Variants in DGKB observed in about 807,000 individuals in gnomAD.
DGKB encodes diacylglycerol kinase beta.
Under a neutral mutation model 114.3 loss-of-function variants are expected in DGKB, and 67 were observed. That is an observed-to-expected ratio of 0.59 (90% CI 0.48 to 0.72). The LOEUF is 0.72. Ranked by LOEUF, DGKB falls within the 30% of genes least tolerant of loss-of-function variation. The pLI is 0.00. For synonymous variants in DGKB, 398 were observed against 323.1 expected (o/e 1.23, Z -2.49); for missense variants, 907 against 975.2 (o/e 0.93, Z 0.93).
intron 21 of DGKB, among the ~76,000 whole-genome samples, chr7:14,379,965 C>G (rs1448403149): frequency 6.6e-6 from 1 of 151,860 alleles, no homozygotes; most frequent in East Asian, 2.0e-4. Context: ...AATAATTCCT[C>G]TTCTAAATTC....
rs1454878694 is a variant in DGKB at position 14,202,620 on chromosome 7, T to TAACA, written c.2123-24473_2123-24470dup. 2.6e-5 allele frequency among the ~76,000 whole-genome samples: 4 copies of TAACA among 152,140 alleles called. No individual in the cohort carries two copies. The South Asian group carries it at 8.3e-4, about 32-fold the overall frequency. ...TATAAATAAATTAGAACCAAATCTG[T>TAACA]AACAATATAAAAAAATATTATATAG... On this transcript the variant is annotated intron_variant, in intron 23 of 25. Transcript: ENST00000402815.
intron 2 of DGKB, among the ~76,000 whole-genome samples, chr7:14,788,646 C>G (rs1840225951): frequency 6.6e-6 from 1 of 152,126 alleles, no homozygotes. Context: ...ACTAGCCCAT[C>G]CCAAGCCTGA....
At chr7:14,967,930 T>C (rs972628979) in intron 1 of DGKB, among the ~76,000 whole-genome samples, 4 of 152,106 alleles carry the variant, frequency 2.6e-5, no homozygotes, top group African/African-American at 9.7e-5. Flanking sequence ...TGCAAAGCAA[T>C]AACCTACTCT....
intron 2 of DGKB, among the ~76,000 whole-genome samples, chr7:14,791,057 C>T (rs552888324): frequency 1.6e-4 from 25 of 152,154 alleles, no homozygotes; most frequent in African/African-American, 5.8e-4. Flanking sequence ...TCTTGAACTC[C>T]TATGCTAAAG....
intron 1 of DGKB, among the ~76,000 whole-genome samples, chr7:14,919,929 T>C (rs141665182): frequency 6.6e-6 from 1 of 152,276 alleles, no homozygotes; most frequent in South Asian, 2.1e-4. Flanking sequence ...TCGCCAGAAG[T>C]AGATGCCAGC....
chr7:14,564,674 G>C (rs115217019), intron 20 of DGKB, among the ~76,000 whole-genome samples: 3,002 of 152,054 alleles, frequency 0.02, 104 homozygotes, highest in African/African-American at 0.068. Context: ...CATCTTCACT[G>C]GCCCAATTTC....
chr7:14,652,613 C>G (rs1029552401), intron 13 of DGKB, among the ~76,000 whole-genome samples: 1 of 150,364 alleles, frequency 6.7e-6, no homozygotes, highest in Non-Finnish European at 1.5e-5. Flanking sequence ...GTCTAAAACA[C>G]CAAAAGCAAT....
intron 23 of DGKB, among the ~76,000 whole-genome samples, chr7:14,260,854 G>T (rs1188360480): frequency 6.6e-6 from 1 of 152,128 alleles, no homozygotes. Flanking sequence ...TCTACAAAAA[G>T]CTAATTCATT....
At chr7:14,806,260 T>C (rs1291209419) in intron 2 of DGKB, among the ~76,000 whole-genome samples, 1 of 152,040 alleles carries the variant, frequency 6.6e-6, no homozygotes, top group Non-Finnish European at 1.5e-5. Flanking sequence ...CTTCATCCAA[T>C]TGATATTTGA....
chr7:14,227,422 AG>A lies in DGKB; in HGVS notation c.2123-49272del, dbSNP rs748724108. Among the ~76,000 whole-genome samples the A allele has an allele frequency of 1.1e-3, 169 of 152,218 alleles. 1 individual carries two copies. Among genetic ancestry groups the A allele is most frequent in the Non-Finnish European group, 1.9e-3 (130 of 67,982 alleles). On this transcript the variant is annotated intron_variant, in intron 23 of 25. Transcript: ENST00000402815. ...ACTACCAGATAAATCTATGAGAAAC[AG>A]CCAAACAAACTAGCCAATGCAAATG...
chr7:14,331,684 C>T (rs1228728890), intron 23 of DGKB, among the ~76,000 whole-genome samples: 1 of 152,108 alleles, frequency 6.6e-6, no homozygotes, highest in African/African-American at 2.4e-5. Flanking sequence ...CAAAACTCAT[C>T]TTTAAAGATG....
intron 1 of DGKB, among the ~76,000 whole-genome samples, chr7:14,886,613 T>C (rs1006081739): frequency 2.6e-5 from 4 of 151,842 alleles, no homozygotes; most frequent in Non-Finnish European, 5.9e-5. Flanking sequence ...ACTTCATAAA[T>C]ATCACTACAA....
rs370660598 is a variant in DGKB at position 14,244,604 on chromosome 7, G to A, written c.2123-66453C>T. On this transcript the variant is annotated intron_variant, in intron 23 of 25. Coordinates refer to ENST00000402815, the MANE Select transcript of DGKB (RefSeq NM_001350709.2). ...GGAATCGCTTGAATCTGGGAGGCGC[G>A]GGTTGCAGTGAGCTGAGATCACGCC... Among the ~76,000 whole-genome samples, 692 of 150,460 alleles carry A rather than the reference G, an allele frequency of 4.6e-3. 8 individuals are homozygous for A. Among genetic ancestry groups the A allele is most frequent in the East Asian group, 0.015 (76 of 5,054 alleles).
intron 1 of DGKB, among the ~76,000 whole-genome samples, chr7:14,909,602 C>T (rs2128242874): frequency 6.6e-6 from 1 of 152,214 alleles, no homozygotes; most frequent in African/African-American, 2.4e-5. Flanking sequence ...TTTAAATCTG[C>T]AAATGGCCTT....
intron 20 of DGKB, among the ~76,000 whole-genome samples, chr7:14,570,946 G>A (rs746368051): frequency 1.3e-5 from 2 of 152,142 alleles, no homozygotes; most frequent in African/African-American, 2.4e-5. Flanking sequence ...ATTTTGAGCT[G>A]TATAGCTGTA....
chr7:14,154,026 T>C lies in DGKB; in HGVS notation c.2305-4788A>G, dbSNP rs1782603859. On this transcript the variant is annotated intron_variant, in intron 25 of 25. Transcript: ENST00000402815. ...TTTCTAGCAAAGTAAATGAGTGAGC[T>C]AAGGAGACGAGTCAAAAAAACAAAG... Among the ~76,000 whole-genome samples, 3 of 151,896 alleles carry C rather than the reference T, an allele frequency of 2.0e-5. No homozygotes were observed. In the South Asian group the frequency reaches 6.2e-4, roughly 31 times the overall value.
At chr7:14,716,279 T>C (rs1475180406) in intron 6 of DGKB, among the ~76,000 whole-genome samples, 1 of 152,186 alleles carries the variant, frequency 6.6e-6, no homozygotes, top group Non-Finnish European at 1.5e-5. Flanking sequence ...ATGCACATTT[T>C]CAGATCCCAC....
Position 14,500,192 on chromosome 7 carries a change from C to T in DGKB, c.1771-21967G>A, listed in dbSNP as rs764647949. 3.3e-5 allele frequency among the ~76,000 whole-genome samples: 5 copies of T among 151,572 alleles called. No homozygotes were observed. In the South Asian group the frequency reaches 8.3e-4, roughly 25 times the overall value. The stretch of plus-strand genomic sequence containing the variant: ...TAACTTTTAAAAATAAAACAATATC[C>T]TCCTTTTCTCGTAGTCTAAATTTTA... On this transcript the variant is annotated intron_variant, in intron 20 of 25. Transcript: ENST00000402815.
At chr7:14,347,331 T>C (rs915648643) in intron 21 of DGKB, among the ~76,000 whole-genome samples, 1 of 152,034 alleles carries the variant, frequency 6.6e-6, no homozygotes, top group African/African-American at 2.4e-5. Context: ...AACATTTGTA[T>C]ACTGTTAGTG....
Sources: allele counts gnomAD v4.1 joint callset (sites outside exome capture counted in the v4.1 genomes callset), GRCh38; gene constraint gnomAD v4.1.1; transcripts MANE v1.5; gene names NCBI Gene and HGNC (gene_info 2026-07-23, HGNC 2026-07-21).